PUS10: variants seen among roughly 807,000 people sequenced by gnomAD.
PUS10 encodes tRNA pseudouridine synthase Pus10.
PUS10 carries 59 observed loss-of-function variants against 75.0 expected under a neutral mutation model. The observed-to-expected ratio is 0.79, with a 90% CI of 0.64 to 0.98. PUS10 has a LOEUF of 0.98. Among genes scored for constraint, PUS10 ranks in the 50% least tolerant of loss-of-function variants. The pLI, the probability that PUS10 is intolerant of heterozygous loss-of-function variation, is 0.00. For synonymous variants in PUS10, 219 were observed against 211.6 expected, an observed-to-expected ratio of 1.03 and a Z score of -0.30; for missense variants, 650 against 614.4, an observed-to-expected ratio of 1.06 and a Z score of -0.61.
intron 1 of PUS10, among the ~76,000 whole-genome samples, chr2:61,014,511 T>G (rs1406018061): frequency 6.6e-6 from 1 of 152,158 alleles, no homozygotes; most frequent in Non-Finnish European, 1.5e-5. Context: ...AAATACTATA[T>G]AGAGAATGAA....
rs78033334 is a variant in PUS10, at chr2:60,945,607, G to C, written c.1452-499C>G. Among the ~76,000 whole-genome samples the C allele has an allele frequency of 3.7e-3, 565 of 152,268 alleles. 4 individuals are homozygous for C. Among genetic ancestry groups the C allele is most frequent in the African/African-American group, 0.011 (475 of 41,570 alleles). On this transcript the variant is annotated intron_variant, in intron 16 of 17. Transcript: ENST00000316752. The stretch of plus-strand genomic sequence containing the variant: ...GGTGGAAGGAATAATGAGACTATTA[G>C]TTTAGTCTTAATGATGGCTCTTCGG...
intron 2 of PUS10, among the ~76,000 whole-genome samples, chr2:61,009,250 A>G (rs934789236): frequency 1.3e-5 from 2 of 152,228 alleles, no homozygotes; most frequent in African/African-American, 4.8e-5. Flanking sequence ...AGAGTTCCAT[A>G]TATCAGTGAA....
intron 10 of PUS10, among the ~76,000 whole-genome samples, chr2:60,960,843 TAAAAAAAAA>T (rs34578958): frequency 8.3e-6 from 1 of 120,664 alleles, no homozygotes; most frequent in Non-Finnish European, 1.7e-5. Flanking sequence ...ATACCAAGGA[TAAAAAAAAA>T]AAAAAAAAAA....
rs953883206 is a variant in PUS10 at position 61,018,095 on chromosome 2, T to A, written c.-103A>T. 5 of 1,539,636 alleles carry A rather than the reference T, an allele frequency of 3.2e-6. No homozygotes were observed. The highest frequency in any genetic ancestry group is 2.0e-5 in the Admixed American group (1 of 49,242). ...TTTCGGGAGCTCCTGGGCGTCTCTCTGGGTCTCTGTGCTTGAAAGAAAGGG... is the reference window on the plus strand; with the variant it reads ...TTTCGGGAGCTCCTGGGCGTCTCTCAGGGTCTCTGTGCTTGAAAGAAAGGG... On this transcript the variant is annotated 5_prime_UTR_variant, in exon 1 of 18. Coordinates refer to ENST00000316752, the MANE Select transcript of PUS10 (RefSeq NM_144709.4).
In PUS10 at chr2:60,943,176, C is replaced by T. The variant is rs184432543; in HGVS notation, c.1552-743G>A. ...TCTCATCTTGCATTTAACAAATATT[C>T]AAGTAGTCTATAAGCCTATAGTCTT... On this transcript the variant is annotated intron_variant, in intron 17 of 17. Transcript: ENST00000316752. Among the ~76,000 whole-genome samples the T allele has an allele frequency of 1.5e-4, 23 of 151,990 alleles. No homozygotes were observed. In the East Asian group the frequency reaches 2.1e-3, roughly 14 times the overall value.
chr2:60,955,139 C>T lies in PUS10; in HGVS notation c.1001-65G>A. ...ATAGCTCTAAGATATTCATTCCCAACCTTTGCTAGAAACCCAACTGAAGGT... is the reference window on the plus strand; with the variant it reads ...ATAGCTCTAAGATATTCATTCCCAATCTTTGCTAGAAACCCAACTGAAGGT... On this transcript the variant is annotated intron_variant, in intron 11 of 17. Coordinates refer to ENST00000316752, the MANE Select transcript of PUS10 (RefSeq NM_144709.4). The T allele has an allele frequency of 2.9e-6, 3 of 1,033,822 alleles. No individual in the cohort carries two copies. In the East Asian group the frequency reaches 7.5e-5, roughly 26 times the overall value. The allele number at this position is 1,033,822 out of a possible 1,614,324, so 64.0% of individuals were successfully genotyped here.
intron 1 of PUS10, among the ~76,000 whole-genome samples, chr2:61,012,834 C>CAAA (rs70959885): frequency 8.3e-4 from 25 of 30,170 alleles, no homozygotes; most frequent in South Asian, 3.0e-3. Context: ...AACTCCGTCT[C>CAAA]AAAAAAAAAA....
intron 2 of PUS10, chr2:61,010,761 T>A: frequency 6.5e-7 from 1 of 1,548,876 alleles, no homozygotes; most frequent in East Asian, 2.4e-5. Context: ...GGGATTCAAA[T>A]CCATGTCTTC....
At chr2:60,974,952 C>T (rs1227773093) in intron 4 of PUS10, among the ~76,000 whole-genome samples, 1 of 152,232 alleles carries the variant, frequency 6.6e-6, no homozygotes, top group African/African-American at 2.4e-5. Context: ...ACAGAGGTTT[C>T]CAGCTGGCGA....
At chr2:60,986,005 T>C (rs1452945097) in intron 4 of PUS10, among the ~76,000 whole-genome samples, 1 of 150,980 alleles carries the variant, frequency 6.6e-6, no homozygotes, top group Non-Finnish European at 1.5e-5. Flanking sequence ...GGAAAATGCA[T>C]TAAAAGTACC....
At chr2:61,005,274 C>T (rs2104681756) in intron 4 of PUS10, among the ~76,000 whole-genome samples, 1 of 152,174 alleles carries the variant, frequency 6.6e-6, no homozygotes, top group South Asian at 2.1e-4. Context: ...AACAAACAAA[C>T]AAACAAACAA....
intron 4 of PUS10, among the ~76,000 whole-genome samples, chr2:60,988,043 C>A (rs1677833195): frequency 1.3e-5 from 2 of 151,906 alleles, no homozygotes; most frequent in Admixed American, 1.3e-4. Context: ...GAGCTGAGAT[C>A]GTACCACTGC....
chr2:61,018,141 C>G lies in PUS10; in HGVS notation c.-149G>C, dbSNP rs1227029162. Reference sequence around the variant, plus strand: ...AAGGGGGGCGGCTTCCTACCTACCGCTTCTGTTTTCACTTTGACAGAATGG... The same window carrying G: ...AAGGGGGGCGGCTTCCTACCTACCGGTTCTGTTTTCACTTTGACAGAATGG... On this transcript the variant is annotated 5_prime_UTR_variant, in exon 1 of 18. Coordinates refer to ENST00000316752, the MANE Select transcript of PUS10 (RefSeq NM_144709.4). 3 of 1,550,160 alleles carry G rather than the reference C, an allele frequency of 1.9e-6. No homozygotes were observed. Among genetic ancestry groups the G allele is most frequent in the Admixed American group, 3.9e-5 (2 of 50,956 alleles).
chr2:60,982,248 A>AT (rs1298660008), intron 4 of PUS10, among the ~76,000 whole-genome samples: 1 of 151,590 alleles, frequency 6.6e-6, no homozygotes, highest in African/African-American at 2.4e-5. Flanking sequence ...GGATTTATTT[A>AT]TTTATTTTAT....
At chr2:60,987,932 A>G (rs1677824153) in intron 4 of PUS10, among the ~76,000 whole-genome samples, 1 of 151,674 alleles carries the variant, frequency 6.6e-6, no homozygotes, top group Non-Finnish European at 1.5e-5. Context: ...CAAGAAAAAA[A>G]AAAAAAATTA....
At chr2:60,954,224 A>G (rs1398646945) in intron 12 of PUS10, 66 bp from the exon 13 acceptor site, 4 of 1,515,014 alleles carry the variant, frequency 2.6e-6, no homozygotes, top group Non-Finnish European at 3.7e-6. Flanking sequence ...GGCTAATGCA[A>G]GAGGGTTAGG....
intron 4 of PUS10, among the ~76,000 whole-genome samples, chr2:61,002,989 A>G (rs1230018473): frequency 2.6e-5 from 4 of 152,190 alleles, no homozygotes. Flanking sequence ...TATTAAGTTT[A>G]AAGCTGTTCT....
chr2:60,961,142 T>A (rs182147020), intron 10 of PUS10, among the ~76,000 whole-genome samples: 1 of 152,366 alleles, frequency 6.6e-6, no homozygotes, highest in Non-Finnish European at 1.5e-5. Context: ...ATAGCCTCTG[T>A]CCTGCTGTTT....
intron 15 of PUS10, 24 bp downstream of exon 15, chr2:60,952,973 A>C: frequency 8.3e-7 from 1 of 1,212,060 alleles, no homozygotes; most frequent in Non-Finnish European, 1.2e-6. Flanking sequence ...AATGAAATAA[A>C]AAGAATAAGC....
Sources: gnomAD v4.1 joint callset for allele counts (sites outside exome capture counted in the v4.1 genomes callset) on GRCh38, gnomAD v4.1.1 for gene constraint, MANE v1.5 for transcripts, NCBI Gene and HGNC (gene_info 2026-07-23, HGNC 2026-07-21) for gene names.